TSHZ2: variants seen among roughly 807,000 people sequenced by gnomAD.
The protein encoded by TSHZ2 is teashirt zinc finger homeobox 2.
In TSHZ2, 21 loss-of-function variants were observed where a neutral mutation model predicts 74.4. The observed-to-expected ratio is 0.28, with a 90% confidence interval of 0.20 to 0.41. TSHZ2 has a LOEUF of 0.41. TSHZ2 is among the 10% of genes least tolerant of loss of function. The pLI, the probability that TSHZ2 is intolerant of heterozygous loss-of-function variation, is 1.00. For missense variants in TSHZ2, 1,244 were observed against 1,293.5 expected, an observed-to-expected ratio of 0.96 and a Z score of 0.59; for synonymous variants, 540 against 515.3, an observed-to-expected ratio of 1.05 and a Z score of -0.65.
intron 2 of TSHZ2, among the ~76,000 whole-genome samples, chr20:53,302,324 C>G (rs562946557): frequency 6.6e-6 from 1 of 152,250 alleles, no homozygotes; most frequent in Non-Finnish European, 1.5e-5. Flanking sequence ...AGGGAGAAAG[C>G]CATGAAATTC....
intron 1 of TSHZ2, among the ~76,000 whole-genome samples, chr20:53,027,158 T>C (rs879195357): frequency 3.9e-5 from 6 of 152,220 alleles, no homozygotes; most frequent in African/African-American, 1.4e-4. Context: ...CTATGATTAT[T>C]TTCTTGGGAT....
chr20:53,060,519 A>G (rs1437831535), intron 1 of TSHZ2, among the ~76,000 whole-genome samples: 1 of 152,216 alleles, frequency 6.6e-6, no homozygotes, highest in Non-Finnish European at 1.5e-5. Context: ...TAGGCAGGAC[A>G]CAAGTATTGA....
At chr20:53,475,263 G>C (rs1462581615) in intron 2 of TSHZ2, among the ~76,000 whole-genome samples, 1 of 123,170 alleles carries the variant, frequency 8.1e-6, no homozygotes, top group Non-Finnish European at 1.7e-5. Flanking sequence ...TGGAAGTAAA[G>C]CTCTCCTCAG....
At chr20:53,009,273 G>T (rs896838987) in intron 1 of TSHZ2, among the ~76,000 whole-genome samples, 1 of 152,150 alleles carries the variant, frequency 6.6e-6, no homozygotes, top group African/African-American at 2.4e-5. Context: ...GGGAGGTTGA[G>T]GCTGCAGTGA....
chr20:53,165,956 C>T (rs1988053160), intron 1 of TSHZ2, among the ~76,000 whole-genome samples: 1 of 152,202 alleles, frequency 6.6e-6, no homozygotes, highest in African/African-American at 2.4e-5. Context: ...GGCCTGGACA[C>T]TGAAGTTCAT....
chr20:53,361,492 T>C (rs1981052144), intron 2 of TSHZ2, among the ~76,000 whole-genome samples: 1 of 152,228 alleles, frequency 6.6e-6, no homozygotes, highest in South Asian at 2.1e-4. Context: ...ACAAACTCTT[T>C]TTTATAACTC....
chr20:53,423,782 C>T lies in TSHZ2; in HGVS notation c.*9-63362C>T, dbSNP rs143965300. ...ACTGATGCTTCAGGATAGTCAACAACTGGTCCAAAATGACCACACTGTCAA... is the reference window on the plus strand; with the variant it reads ...ACTGATGCTTCAGGATAGTCAACAATTGGTCCAAAATGACCACACTGTCAA... On this transcript the variant is annotated intron_variant, in intron 2 of 2. Transcript: ENST00000371497. 2.7e-4 allele frequency among the ~76,000 whole-genome samples: 41 copies of T among 152,356 alleles called. 1 individual carries two copies. In the East Asian group the frequency reaches 7.3e-3, roughly 27 times the overall value.
intron 1 of TSHZ2, among the ~76,000 whole-genome samples, chr20:52,981,840 G>A (rs1173568475): frequency 6.6e-6 from 1 of 152,140 alleles, no homozygotes; most frequent in African/African-American, 2.4e-5. Flanking sequence ...TGCTTTATAT[G>A]TTTACATTTA....
Position 53,011,661 on chromosome 20 carries a change from TGTTTCATG to T in TSHZ2, c.40+38332_40+38339del, listed in dbSNP as rs527746573. ...GCATAGTAGGATCTCAAGAAATGTTTGTTTCATGGTTAATTAAATAAACAGATGGCTGA... is the reference window on the plus strand; with the variant it reads ...GCATAGTAGGATCTCAAGAAATGTTTGTTAATTAAATAAACAGATGGCTGA... On this transcript the variant is annotated intron_variant, in intron 1 of 2. Coordinates refer to ENST00000371497, the MANE Select transcript of TSHZ2 (RefSeq NM_173485.6). Among the ~76,000 whole-genome samples the T allele has an allele frequency of 3.5e-3, 532 of 152,308 alleles. 2 individuals are homozygous for T. Among genetic ancestry groups the T allele is most frequent in the Middle Eastern group, 0.017 (5 of 294 alleles).
intron 2 of TSHZ2, among the ~76,000 whole-genome samples, chr20:53,314,715 G>A (rs371982448): frequency 2.5e-4 from 37 of 148,064 alleles, no homozygotes; most frequent in African/African-American, 7.5e-4. Context: ...TTCCCCTCCC[G>A]GGTTCAAGTT....
At chr20:53,148,277 A>G (rs1600712423) in intron 1 of TSHZ2, among the ~76,000 whole-genome samples, 1 of 152,202 alleles carries the variant, frequency 6.6e-6, no homozygotes. Context: ...CTCAGGGCAC[A>G]TTCTGCATTG....
intron 2 of TSHZ2, among the ~76,000 whole-genome samples, chr20:53,364,966 G>C (rs1420454463): frequency 6.6e-6 from 1 of 152,244 alleles, no homozygotes; most frequent in African/African-American, 2.4e-5. Context: ...GTAACGCGTG[G>C]AGGCACTAAT....
Position 53,185,526 on chromosome 20 carries a change from A to G in TSHZ2, c.41-67973A>G. On this transcript the variant is annotated intron_variant, in intron 1 of 2. Coordinates refer to ENST00000371497, the MANE Select transcript of TSHZ2 (RefSeq NM_173485.6). ...AACCTCAGGAGGCTGAGGCAGGAGAATTCCTTGAACTGGGACCCAGGAGGC... is the reference window on the plus strand; with the variant it reads ...AACCTCAGGAGGCTGAGGCAGGAGAGTTCCTTGAACTGGGACCCAGGAGGC... 3 of 1,418,564 alleles carry G rather than the reference A, an allele frequency of 2.1e-6. No homozygotes were observed. In the South Asian group the frequency reaches 4.0e-5, roughly 19 times the overall value. The allele number at this position is 1,418,564 out of a possible 1,614,324, so 87.9% of individuals were successfully genotyped here.
chr20:52,983,831 C>G (rs1235052309), intron 1 of TSHZ2, among the ~76,000 whole-genome samples: 1 of 152,150 alleles, frequency 6.6e-6, no homozygotes, highest in African/African-American at 2.4e-5. Flanking sequence ...ATTTCTGACC[C>G]TGAGGTTCAG....
intron 2 of TSHZ2, among the ~76,000 whole-genome samples, chr20:53,287,499 C>A (rs1991190689): frequency 1.3e-5 from 2 of 152,214 alleles, no homozygotes; most frequent in Non-Finnish European, 2.9e-5. Context: ...ACCCTAAGAT[C>A]TGTCATGGGT....
At chr20:53,085,226 G>C (rs767311852) in intron 1 of TSHZ2, among the ~76,000 whole-genome samples, 10 of 152,018 alleles carry the variant, frequency 6.6e-5, no homozygotes, top group Non-Finnish European at 1.5e-4. Context: ...TCAGCCGGGC[G>C]TGGTGGCGGG....
chr20:53,279,355 G>T (rs1991011283), intron 2 of TSHZ2, among the ~76,000 whole-genome samples: 1 of 152,140 alleles, frequency 6.6e-6, no homozygotes, highest in South Asian at 2.1e-4. Context: ...TTTATCAAAG[G>T]ACACTGAAAT....
At chr20:53,131,160 T>C in intron 1 of TSHZ2, among the ~76,000 whole-genome samples, 1 of 152,166 alleles carries the variant, frequency 6.6e-6, no homozygotes, top group East Asian at 1.9e-4. Flanking sequence ...GAACGTTTTG[T>C]TATGTGTTTT....
At position 53,217,012 on chromosome 20, in the gene TSHZ2, C is replaced by T. The variant is rs142867787; in HGVS notation, c.41-36487C>T. Among the ~76,000 whole-genome samples the T allele has an allele frequency of 2.5e-3, 388 of 152,238 alleles. 1 individual carries two copies. The highest frequency in any genetic ancestry group is 4.3e-3 in the Non-Finnish European group (295 of 68,026). ...GTGTCTTTCTGTTCCTGAGCGGGCCCGTTTGTTATTTTTAGTGTCTGATTG... is the reference window on the plus strand; with the variant it reads ...GTGTCTTTCTGTTCCTGAGCGGGCCTGTTTGTTATTTTTAGTGTCTGATTG... On this transcript the variant is annotated intron_variant, in intron 1 of 2. Transcript: ENST00000371497.
Sources: gnomAD v4.1 joint callset for allele counts (sites outside exome capture counted in the v4.1 genomes callset) on GRCh38, gnomAD v4.1.1 for gene constraint, MANE v1.5 for transcripts, NCBI Gene and HGNC (gene_info 2026-07-23, HGNC 2026-07-21) for gene names.